POLK: variants seen among roughly 807,000 people sequenced by gnomAD.
POLK encodes the protein DNA polymerase kappa.
POLK carries 76 observed loss-of-function variants against 94.0 expected under a neutral mutation model. The observed-to-expected ratio is 0.81, with a 90% confidence interval of 0.67 to 0.98. The LOEUF (loss-of-function observed/expected upper bound fraction) is 0.98, where lower values mean the gene tolerates loss of function less well. Ranked by LOEUF, POLK falls within the 50% of genes least tolerant of loss-of-function variation. POLK has a pLI of 0.00. For missense variants in POLK, 954 were observed against 1,010.1 expected (o/e 0.94, Z 0.75); for synonymous variants, 349 against 325.4 (o/e 1.07, Z -0.78).
intron 3 of POLK, among the ~76,000 whole-genome samples, chr5:75,566,600 C>T (rs774028259): frequency 2.6e-5 from 4 of 152,208 alleles, no homozygotes; most frequent in South Asian, 2.1e-4. Context: ...CAGTCCCTCA[C>T]GGCTTCCCTT....
Position 75,583,422 on chromosome 5 carries a change from G to C in POLK, c.1059+5G>C. The C allele has an allele frequency of 6.3e-7, 1 of 1,576,820 alleles. No homozygotes were observed. Among genetic ancestry groups the C allele is most frequent in the Non-Finnish European group, 8.7e-7 (1 of 1,151,202 alleles). On this transcript the variant is annotated splice_donor_5th_base_variant and intron_variant, in intron 8 of 14. Transcript: ENST00000241436. Reference sequence around the variant, plus strand: ...AAGGATTTACCCATTAGAAAGGTAAGATTTTTACATAAAGTTTATTTATAT... The same window carrying C: ...AAGGATTTACCCATTAGAAAGGTAACATTTTTACATAAAGTTTATTTATAT...
At chr5:75,519,560 T>C (rs1768473861) in intron 1 of POLK, among the ~76,000 whole-genome samples, 1 of 152,230 alleles carries the variant, frequency 6.6e-6, no homozygotes, top group Non-Finnish European at 1.5e-5. Flanking sequence ...TTGGGTATTC[T>C]GGTATTGGAT....
chr5:75,593,744 G>A, intron 11 of POLK, 134 bp from the exon 12 acceptor site: 1 of 488,672 alleles, frequency 2.0e-6, no homozygotes, highest in Non-Finnish European at 3.6e-6. Context: ...TCAGGAGGCT[G>A]AGGCAAGAGG....
chr5:75,549,730 A>C (rs1235822207), intron 2 of POLK, among the ~76,000 whole-genome samples: 3 of 152,104 alleles, frequency 2.0e-5, no homozygotes, highest in Non-Finnish European at 4.4e-5. Flanking sequence ...GAAAATTTAA[A>C]ATATATAGAA....
chr5:75,536,195 T>C (rs1045918360), intron 1 of POLK, among the ~76,000 whole-genome samples: 8 of 152,210 alleles, frequency 5.3e-5, no homozygotes, highest in Non-Finnish European at 7.3e-5. Flanking sequence ...ACTTTGATTC[T>C]AGTCTGTTCC....
intron 10 of POLK, among the ~76,000 whole-genome samples, chr5:75,589,987 C>G (rs1772694863): frequency 6.6e-6 from 1 of 152,140 alleles, no homozygotes; most frequent in Non-Finnish European, 1.5e-5. Flanking sequence ...CTCATTTGGA[C>G]TTTCTTAAGA....
intron 1 of POLK, among the ~76,000 whole-genome samples, chr5:75,529,493 A>G (rs956376288): frequency 4.6e-5 from 7 of 152,174 alleles, no homozygotes; most frequent in African/African-American, 1.2e-4. Flanking sequence ...CCATGGATGC[A>G]TGGTTTGGAT....
chr5:75,524,717 A>T (rs1768747617), intron 1 of POLK, among the ~76,000 whole-genome samples: 1 of 152,188 alleles, frequency 6.6e-6, no homozygotes, highest in South Asian at 2.1e-4. Flanking sequence ...ACAGAGTGAG[A>T]TTCTCATTCT....
chr5:75,541,655 A>G (rs1261603145), intron 1 of POLK, among the ~76,000 whole-genome samples: 1 of 152,158 alleles, frequency 6.6e-6, no homozygotes, highest in Non-Finnish European at 1.5e-5. Flanking sequence ...GAATTTCATT[A>G]TTTCTGTTCT....
At chr5:75,584,999 G>C in intron 9 of POLK, 73 bp downstream of exon 9, 2 of 896,716 alleles carry the variant, frequency 2.2e-6, no homozygotes, top group Non-Finnish European at 3.6e-6. Flanking sequence ...ATTGAGATGA[G>C]GCTATATGGA....
At chr5:75,593,142 T>G (rs1772877817) in intron 11 of POLK, among the ~76,000 whole-genome samples, 1 of 152,138 alleles carries the variant, frequency 6.6e-6, no homozygotes, top group Non-Finnish European at 1.5e-5. Flanking sequence ...ATTATTCTTT[T>G]TTTTTCTGAG....
chr5:75,554,549 T>C (rs1347411604), intron 3 of POLK, among the ~76,000 whole-genome samples: 3 of 152,112 alleles, frequency 2.0e-5, no homozygotes, highest in Non-Finnish European at 4.4e-5. Flanking sequence ...AGGTTTGTTA[T>C]ATAAATAAAC....
chr5:75,559,538 T>TG (rs1474102441), intron 3 of POLK, among the ~76,000 whole-genome samples: 1 of 136,890 alleles, frequency 7.3e-6, no homozygotes, highest in Non-Finnish European at 1.6e-5. Flanking sequence ...TTTTTTTTTT[T>TG]TTTTTTTTTT....
At chr5:75,576,056 G>A (rs2112794565) in intron 5 of POLK, among the ~76,000 whole-genome samples, 1 of 152,144 alleles carries the variant, frequency 6.6e-6, no homozygotes, top group East Asian at 1.9e-4. Flanking sequence ...GTAACACTAT[G>A]TTATATAAAA....
intron 3 of POLK, among the ~76,000 whole-genome samples, chr5:75,555,583 C>T (rs1435806966): frequency 6.6e-6 from 1 of 150,766 alleles, no homozygotes; most frequent in African/African-American, 2.4e-5. Flanking sequence ...GTCTCTCTCA[C>T]TTCGTTGCCC....
rs185266733 is a variant in POLK, at chr5:75,561,285, T to G, written c.256-8055T>G. ...ACCATTGATGATGTGCTTTTTTGTTTGTTGGCTGCATAAAGGTCTTCTTTT... is the reference window on the plus strand; with the variant it reads ...ACCATTGATGATGTGCTTTTTTGTTGGTTGGCTGCATAAAGGTCTTCTTTT... On this transcript the variant is annotated intron_variant, in intron 3 of 14. Transcript: ENST00000241436. Among the ~76,000 whole-genome samples the G allele has an allele frequency of 5.3e-5, 8 of 152,336 alleles. No homozygotes were observed. The East Asian group carries it at 1.2e-3, about 22-fold the overall frequency.
At position 75,581,121 on chromosome 5, in the gene POLK, T is replaced by G. The variant is rs3815717; in HGVS notation, c.695-88T>G. On this transcript the variant is annotated intron_variant, in intron 6 of 14. Coordinates refer to ENST00000241436, the Ensembl canonical transcript of POLK. The stretch of plus-strand genomic sequence containing the variant: ...CTAAACTAAACTAGATTTTTGTTTT[T>G]GTCTTCAGAAATAATGTAGGGAAAC... 3.8e-4 allele frequency: 341 copies of G among 908,108 alleles called. 2 individuals are homozygous for G. The East Asian group carries it at 8.3e-3, about 22-fold the overall frequency. The allele number at this position is 908,108 out of a possible 1,614,324, so 56.3% of individuals were successfully genotyped here. A position where few individuals can be genotyped will look rare whatever the true frequency, so the allele number is the denominator to read the frequency against.
At chr5:75,536,819 A>G (rs1050444592) in intron 1 of POLK, among the ~76,000 whole-genome samples, 3 of 151,872 alleles carry the variant, frequency 2.0e-5, no homozygotes, top group African/African-American at 7.3e-5. Flanking sequence ...CTGAGTTCAC[A>G]CAGATGTGGA....
chr5:75,595,337 T>A (rs768274765), intron 12 of POLK, among the ~76,000 whole-genome samples: 5 of 149,216 alleles, frequency 3.4e-5, no homozygotes, highest in Non-Finnish European at 7.4e-5. Context: ...GCAAGCACGA[T>A]GTCCTTCGGT....
Sources: allele counts gnomAD v4.1 joint callset (sites outside exome capture counted in the v4.1 genomes callset), GRCh38; gene constraint gnomAD v4.1.1; transcripts MANE v1.5; gene names NCBI Gene and HGNC (gene_info 2026-07-23, HGNC 2026-07-21).